FBXO43: variants seen among roughly 807,000 people sequenced by gnomAD.
FBXO43 encodes the protein F-box only protein 43.
A neutral mutation model predicts 56.7 loss-of-function variants in FBXO43; 22 were observed. The ratio of observed to expected loss-of-function variants is 0.39; its 90% CI spans 0.28 to 0.55. The LOEUF (loss-of-function observed/expected upper bound fraction) is 0.55. FBXO43 is among the 20% of genes least tolerant of loss of function. The pLI, the probability that FBXO43 is intolerant of heterozygous loss-of-function variation, is 0.66. For synonymous variants in FBXO43, 306 were observed against 294.5 expected (o/e 1.04, Z -0.40); for missense variants, 733 against 814.9 (o/e 0.90, Z 1.22).
Position 100,145,114 on chromosome 8 carries a change from C to G in FBXO43, c.22G>C (p.Glu8Gln). The G allele has an allele frequency of 1.2e-6, 2 of 1,611,772 alleles. No individual in the cohort carries two copies. The highest frequency in any genetic ancestry group is 1.7e-6 in the Non-Finnish European group (2 of 1,179,052). The change falls in exon 1 of 5, where the codon GAG becomes CAG. Residue 8 changes from glutamate (E) to glutamine (Q), a missense_variant. By Grantham distance (29) the Glu-to-Gln change is conservative. Transcript: ENST00000428847. ...TAGGCTTCCAAACAAGAAATTCTCT[C>G]ATCTTTGTCTTTAAAACTCATGCCA... is the stretch of plus-strand genomic sequence containing the variant. The part of the protein sequence containing the change: MSFKDKD[E>Q]RISCLEAYVT...
chr8:100,144,604 A>G (rs1325103274), intron 1 of FBXO43, among the ~76,000 whole-genome samples: 2 of 149,302 alleles, frequency 1.3e-5, no homozygotes, highest in African/African-American at 5.0e-5. Context: ...GGCTGAGAAA[A>G]CTTATTCCTA....
Position 100,145,219 on chromosome 8 carries a change from C to A in FBXO43, c.-84G>T. The A allele has an allele frequency of 8.6e-7, 1 of 1,161,938 alleles. No individual in the cohort carries two copies. The highest frequency in any genetic ancestry group is 1.4e-5 in the South Asian group (1 of 69,908). 72.0% of individuals were successfully genotyped at this position (1,161,938 alleles called of 1,614,324 possible). On this transcript the variant is annotated 5_prime_UTR_variant, in exon 1 of 5. Coordinates refer to ENST00000428847, the MANE Select transcript of FBXO43 (RefSeq NM_001029860.4). ...CAGCAGCATCATGATTGCTCAAAGTCGAAGGGTACACAGGGTGCATGCCGC... is the reference window on the plus strand; with the variant it reads ...CAGCAGCATCATGATTGCTCAAAGTAGAAGGGTACACAGGGTGCATGCCGC...
rs1814681000 is a variant in FBXO43 at position 100,142,116 on chromosome 8, T to C, written c.138A>G (p.Glu46=). The stretch of plus-strand genomic sequence containing the variant: ...GAGGAGAGTCCGCCCCATTTCCTGC[T>C]TCAGTGCCAGCTTGACCTGAGTGCC... ...SQRHSGQAGT[E]AGNGADSPPI... is the part of the protein sequence containing the mutation. Residue 46 remains glutamate, a synonymous_variant, in exon 2 of 5, where the codon GAA becomes GAG. Coordinates refer to ENST00000428847, the MANE Select transcript of FBXO43 (RefSeq NM_001029860.4). 6.2e-7 allele frequency: 1 copy of C among 1,608,512 alleles called. No individual in the cohort carries two copies. The highest frequency in any genetic ancestry group is 1.1e-5 in the South Asian group (1 of 89,474).
At chr8:100,135,761 C>T (rs1814450146) in intron 3 of FBXO43, among the ~76,000 whole-genome samples, 1 of 152,022 alleles carries the variant, frequency 6.6e-6, no homozygotes. Context: ...TGCACCACCA[C>T]ACCCAGCTAC....
In FBXO43 at chr8:100,145,132, T is replaced by C; in HGVS notation, c.4A>G (p.Ser2Gly). 1.9e-6 allele frequency: 3 copies of C among 1,609,156 alleles called. No individual in the cohort carries two copies. The highest frequency in any genetic ancestry group is 2.5e-6 in the Non-Finnish European group (3 of 1,178,208). The change falls in exon 1 of 5, where the codon AGT becomes GGT. Residue 2 changes from serine (S) to glycine (G), a missense_variant. Transcript: ENST00000428847. ...ATTCTCTCATCTTTGTCTTTAAAAC[T>C]CATGCCAAAATAATGCCACTTAAAG... M[S>G]FKDKDERISC...
At chr8:100,147,278 A>G (rs751919302), upstream of FBXO43, among the ~76,000 whole-genome samples, 1 of 152,268 alleles carries the variant, frequency 6.6e-6, no homozygotes, top group Non-Finnish European at 1.5e-5. Flanking sequence ...ACAGAGGAAC[A>G]GTAGCAGCAC....
intron 2 of FBXO43, among the ~76,000 whole-genome samples, chr8:100,139,046 C>T (rs1436735979): frequency 6.6e-6 from 1 of 152,058 alleles, no homozygotes; most frequent in Non-Finnish European, 1.5e-5. Context: ...AGCCTTAAAC[C>T]TTAATAAGAG....
upstream of FBXO43, among the ~76,000 whole-genome samples, chr8:100,146,905 T>C (rs1250009442): frequency 1.3e-5 from 2 of 152,228 alleles, no homozygotes; most frequent in East Asian, 3.8e-4. Context: ...TGGAGTGCCG[T>C]GGTGCAATCT....
At position 100,134,163 on chromosome 8, in the gene FBXO43, T is replaced by C; in HGVS notation, c.1876A>G (p.Lys626Glu). The C allele has an allele frequency of 6.2e-7, 1 of 1,613,072 alleles. No individual in the cohort carries two copies. The highest frequency in any genetic ancestry group is 8.5e-7 in the Non-Finnish European group (1 of 1,179,416). ...HLSSKQEEYV[K>E]VAKTLFTDEA... ...CTTATGACATAATAAATACTTACCT[T>C]AACATATTCTTCCTGTTTACTACTT... Residue 626 changes from lysine to glutamate, a missense_variant and splice_region_variant, in exon 4 of 5, where the codon AAG becomes GAG. Transcript: ENST00000428847.
chr8:100,145,165 CT>C lies in FBXO43; in HGVS notation c.-31del. On this transcript the variant is annotated 5_prime_UTR_variant, in exon 1 of 5. Transcript: ENST00000428847. ...AAATAATGCCACTTAAAGAGGAAAA[CT>C]TTAGTTTGCACAATTAATTGAAAGG... 2 of 1,585,394 alleles carry C rather than the reference CT, an allele frequency of 1.3e-6. No homozygotes were observed. Among genetic ancestry groups the C allele is most frequent in the Non-Finnish European group, 1.7e-6 (2 of 1,164,432 alleles).
At chr8:100,143,780 T>A (rs1399654097) in intron 1 of FBXO43, among the ~76,000 whole-genome samples, 4 of 152,248 alleles carry the variant, frequency 2.6e-5, no homozygotes, top group African/African-American at 7.2e-5. Context: ...TTAATTTTTT[T>A]ATTTTTTATG....
chr8:100,135,547 A>G (rs79307467), intron 3 of FBXO43, among the ~76,000 whole-genome samples: 1,755 of 152,240 alleles, frequency 0.012, 32 homozygotes, highest in African/African-American at 0.039. Context: ...GAAAGGGGGG[A>G]AAAGTACAGT....
chr8:100,134,560 T>C (rs1814412347), intron 3 of FBXO43, among the ~76,000 whole-genome samples, 196 bp from the exon 4 acceptor site: 3 of 152,114 alleles, frequency 2.0e-5, no homozygotes, highest in Admixed American at 2.0e-4. Context: ...AAAAGTTAAA[T>C]AAATATAAAA....
In FBXO43 at chr8:100,133,713, A is replaced by T; in HGVS notation, c.*89T>A. 7.7e-7 allele frequency: 1 copy of T among 1,298,612 alleles called. No individual in the cohort carries two copies. Among genetic ancestry groups the T allele is most frequent in the Non-Finnish European group, 1.1e-6 (1 of 950,770 alleles). The allele number at this position is 1,298,612 out of a possible 1,614,324, so 80.4% of individuals were successfully genotyped here. A position where few individuals can be genotyped will look rare whatever the true frequency, so the allele number is the denominator to read the frequency against. ...AGGAAATTAATCATCACCTGTCATT[A>T]ATGGGAAGATTTGCATGTATTCAAA... is the stretch of plus-strand genomic sequence containing the variant. On this transcript the variant is annotated 3_prime_UTR_variant, in exon 5 of 5. Coordinates refer to ENST00000428847, the MANE Select transcript of FBXO43 (RefSeq NM_001029860.4).
Position 100,133,655 on chromosome 8 carries a change from A to G in FBXO43, c.*147T>C. 1 of 931,818 alleles carries G rather than the reference A, an allele frequency of 1.1e-6. No homozygotes were observed. Among genetic ancestry groups the G allele is most frequent in the South Asian group, 2.8e-5 (1 of 35,552 alleles). 57.7% of individuals were successfully genotyped at this position (931,818 alleles called of 1,614,324 possible). A position where few individuals can be genotyped will look rare whatever the true frequency, so the allele number is the denominator to read the frequency against. ...TTTTCAAAACAACTTTAAAGAAAAC[A>G]TACAATGACATCGATTATAATATAT... On this transcript the variant is annotated 3_prime_UTR_variant, in exon 5 of 5. Transcript: ENST00000428847.
intron 1 of FBXO43, among the ~76,000 whole-genome samples, chr8:100,144,747 C>T (rs1221032489): frequency 1.3e-4 from 20 of 151,490 alleles, no homozygotes; most frequent in African/African-American, 2.7e-4. Context: ...CTGGCTAACA[C>T]GGTGAAACCC....
intron 3 of FBXO43, among the ~76,000 whole-genome samples, chr8:100,135,199 C>T (rs1309662187): frequency 6.6e-6 from 1 of 151,974 alleles, no homozygotes; most frequent in Non-Finnish European, 1.5e-5. Context: ...GATTCATTCC[C>T]AAATGGTGGT....
At chr8:100,143,416 T>C (rs1814718875) in intron 1 of FBXO43, among the ~76,000 whole-genome samples, 1 of 152,234 alleles carries the variant, frequency 6.6e-6, no homozygotes, top group Non-Finnish European at 1.5e-5. Context: ...AAAATATTTC[T>C]TTATGGTTTG....
chr8:100,146,879 G>A (rs957077729), upstream of FBXO43, among the ~76,000 whole-genome samples: 5 of 152,136 alleles, frequency 3.3e-5, no homozygotes, highest in Non-Finnish European at 7.3e-5. Context: ...ACAGGGTCTC[G>A]CTCTGTCACG....
Sources: gnomAD v4.1 joint callset for allele counts (sites outside exome capture counted in the v4.1 genomes callset) on GRCh38, gnomAD v4.1.1 for gene constraint, MANE v1.5 for transcripts, NCBI Gene and HGNC (gene_info 2026-07-23, HGNC 2026-07-21) for gene names.